RORC: variants seen among roughly 807,000 people sequenced by gnomAD.
RORC encodes the protein nuclear receptor ROR-gamma.
RORC carries 13 observed loss-of-function variants against 64.5 expected under a neutral mutation model. The ratio of observed to expected loss-of-function variants is 0.20; its 90% CI spans 0.13 to 0.32. RORC has a LOEUF of 0.32. RORC is among the 10% of genes least tolerant of loss of function. RORC has a pLI of 1.00. For synonymous variants in RORC, 277 were observed against 259.3 expected (o/e 1.07, Z -0.65); for missense variants, 468 against 669.5 (o/e 0.70, Z 3.32).
Position 151,815,281 on chromosome 1 carries a change from G to C in RORC, c.443C>G (p.Thr148Ser). Residue 148 changes from threonine to serine, a missense_variant, in exon 5 of 11, where the codon ACC becomes AGC. By Grantham distance (58) the Thr-to-Ser change is moderately conservative. This residue lies in a region of RORC where 241 missense variants were observed against 295.5 expected (regional missense o/e 0.82). Coordinates refer to ENST00000318247, the MANE Select transcript of RORC (RefSeq NM_005060.4). ...PAGAQGADTL[T>S]YTLGLPDGQL... ...CCCGTCTGGGAGCCCCAAGGTGTAG[G>C]TGAGGGTATCTGCTCCTTGGGCCCC... 1 of 1,610,854 alleles carries C rather than the reference G, an allele frequency of 6.2e-7. No individual in the cohort carries two copies. The highest frequency in any genetic ancestry group is 1.3e-5 in the African/African-American group (1 of 74,944).
chr1:151,823,914 A>T (rs1185060045), intron 2 of RORC, among the ~76,000 whole-genome samples: 1 of 152,182 alleles, frequency 6.6e-6, no homozygotes, highest in Non-Finnish European at 1.5e-5. Context: ...TATAGGCATG[A>T]GCCACCACGC....
In RORC at chr1:151,830,659, C is replaced by CACACACACACATAT. The variant is rs59443678; in HGVS notation, c.40+1065_40+1066insATATGTGTGTGTGT. ...ACACACACACACACACACACACACA[C>CACACACACACATAT]ACAGTGCCCTTCTGCCCGGGAGATG... On this transcript the variant is annotated intron_variant, in intron 1 of 10. Coordinates refer to ENST00000318247, the MANE Select transcript of RORC (RefSeq NM_005060.4). The surrounding 1 kb of genome is among the most constrained non-coding windows in gnomAD (Gnocchi z 4.0). Among the ~76,000 whole-genome samples, 1 of 139,054 alleles carries CACACACACACATAT rather than the reference C, an allele frequency of 7.2e-6. No individual in the cohort carries two copies. The highest frequency in any genetic ancestry group is 1.6e-5 in the Non-Finnish European group (1 of 64,284). 91.2% of individuals were successfully genotyped at this position (139,054 alleles called of 152,430 possible). A position where few individuals can be genotyped will look rare whatever the true frequency, so the allele number is the denominator to read the frequency against.
intron 2 of RORC, among the ~76,000 whole-genome samples, chr1:151,826,284 C>T (rs566392650): frequency 5.9e-5 from 9 of 152,298 alleles, no homozygotes; most frequent in Non-Finnish European, 1.2e-4. Flanking sequence ...GACAGCCACA[C>T]GCGGTAAAAG....
At chr1:151,809,614 T>C (rs12045886) in intron 10 of RORC, among the ~76,000 whole-genome samples, 43,574 of 151,918 alleles carry the variant, frequency 0.29, 6,470 homozygotes, top group East Asian at 0.47. Flanking sequence ...GTGGTAATAG[T>C]AGGGAAGGTG....
chr1:151,831,169 C>T (rs763637860), intron 1 of RORC: 13 of 1,231,106 alleles, frequency 1.1e-5, no homozygotes, highest in African/African-American at 9.3e-5. Flanking sequence ...GGGTGAGTGG[C>T]GAGGAAAGGA....
At chr1:151,823,641 T>C (rs141375464) in intron 2 of RORC, among the ~76,000 whole-genome samples, 9 of 152,224 alleles carry the variant, frequency 5.9e-5, no homozygotes, top group African/African-American at 2.2e-4. Context: ...CACCTTCATG[T>C]TTGTTTGTTT....
chr1:151,815,522 C>T, intron 4 of RORC, 97 bp from the exon 5 acceptor site: 1 of 1,433,760 alleles, frequency 7.0e-7, no homozygotes, highest in Non-Finnish European at 9.2e-7. Flanking sequence ...TAACTTGCTG[C>T]TCTCTGAATG....
intron 2 of RORC, among the ~76,000 whole-genome samples, chr1:151,824,336 A>G (rs1652109552): frequency 6.6e-6 from 1 of 152,090 alleles, no homozygotes; most frequent in South Asian, 2.1e-4. Context: ...GAGCTGGCCA[A>G]GTGTCTCCCT....
Position 151,807,486 on chromosome 1 carries a change from C to T in RORC, c.1543G>A (p.Gly515Arg). 6.2e-7 allele frequency: 1 copy of T among 1,614,156 alleles called. No homozygotes were observed. Among genetic ancestry groups the T allele is most frequent in the Non-Finnish European group, 8.5e-7 (1 of 1,180,002 alleles). Reference sequence around the variant, plus strand: ...CCTCTTCCAGGTCACTTGGACAGCCCCACAGGTGACTCGGTTTCAGTGCTG... The same window carrying T: ...CCTCTTCCAGGTCACTTGGACAGCCTCACAGGTGACTCGGTTTCAGTGCTG... Reference protein sequence around the residue: ...LFSTETESPVGLSK With the variant: ...LFSTETESPVRLSK Residue 515 changes from glycine (G) to arginine (R), a missense_variant, in exon 11 of 11, where the codon GGG becomes AGG. Physicochemically the swap from Gly to Arg is moderately radical, Grantham distance 125. This residue lies in a region of RORC where 93 missense variants were observed against 116.6 expected (regional missense o/e 0.80). Transcript: ENST00000318247. This position sits in a 1 kb window ranked among gnomAD's most constrained non-coding sequence, Gnocchi z 5.0.
rs1194824301 is a variant in RORC at position 151,815,441 on chromosome 1, G to A, written c.299-16C>T. On this transcript the variant is annotated splice_polypyrimidine_tract_variant and intron_variant, in intron 4 of 10. Transcript: ENST00000318247. ...AACTTGACAGCTGAAAGAGGTCCAGGGACCAGGGGTTTATGAGGCAGGAGA... is the reference window on the plus strand; with the variant it reads ...AACTTGACAGCTGAAAGAGGTCCAGAGACCAGGGGTTTATGAGGCAGGAGA... 3 of 1,518,650 alleles carry A rather than the reference G, an allele frequency of 2.0e-6. No homozygotes were observed. The East Asian group carries it at 6.8e-5, about 35-fold the overall frequency. The allele number at this position is 1,518,650 out of a possible 1,614,324, so 94.1% of individuals were successfully genotyped here.
At position 151,828,978 on chromosome 1, in the gene RORC, CAA is replaced by C. The variant is rs371746426; in HGVS notation, c.70+449_70+450del. 5.5e-3 allele frequency among the ~76,000 whole-genome samples: 714 copies of C among 130,676 alleles called. 2 individuals are homozygous for C. The highest frequency in any genetic ancestry group is 6.8e-3 in the Non-Finnish European group (426 of 62,784). 85.7% of individuals were successfully genotyped at this position (130,676 alleles called of 152,430 possible). On this transcript the variant is annotated intron_variant, in intron 2 of 10. Coordinates refer to ENST00000318247, the MANE Select transcript of RORC (RefSeq NM_005060.4). ...CAGGCGACAGTGTGAGACTCTGTCT[CAA>C]AAAAAAAAAAAAAAAGCCTGGTGCA... is the stretch of plus-strand genomic sequence containing the variant.
At chr1:151,827,425 T>A (rs1368760849) in intron 2 of RORC, among the ~76,000 whole-genome samples, 1 of 151,936 alleles carries the variant, frequency 6.6e-6, no homozygotes, top group Non-Finnish European at 1.5e-5. Flanking sequence ...CCAGAGACCT[T>A]CTCAGCCTCT....
intron 2 of RORC, among the ~76,000 whole-genome samples, chr1:151,824,202 G>A (rs1419622355): frequency 1.3e-5 from 2 of 152,174 alleles, no homozygotes; most frequent in African/African-American, 4.8e-5. Flanking sequence ...GGGGCTATGA[G>A]ATACCTGTAA....
chr1:151,818,576 C>T (rs1393176757), intron 2 of RORC, among the ~76,000 whole-genome samples: 1 of 152,178 alleles, frequency 6.6e-6, no homozygotes, highest in Non-Finnish European at 1.5e-5. Flanking sequence ...GCTTGGGATC[C>T]CTGGTTACTG....
At chr1:151,812,893 T>A in intron 9 of RORC, 54 bp downstream of exon 9, 1 of 1,166,422 alleles carries the variant, frequency 8.6e-7, no homozygotes, top group East Asian at 2.3e-5. Context: ...TTCTTCAATA[T>A]CTGCCATGCC....
chr1:151,823,633 C>T (rs148277976), intron 2 of RORC, among the ~76,000 whole-genome samples: 1 of 152,086 alleles, frequency 6.6e-6, no homozygotes, highest in Non-Finnish European at 1.5e-5. Flanking sequence ...GGGCTTCACA[C>T]CTTCATGTTT....
chr1:151,824,404 C>A (rs1652111331), intron 2 of RORC, among the ~76,000 whole-genome samples: 1 of 152,206 alleles, frequency 6.6e-6, no homozygotes, highest in Non-Finnish European at 1.5e-5. Flanking sequence ...CTAGTCATTT[C>A]ATCCCAGGGT....
intron 6 of RORC, 146 bp downstream of exon 6, chr1:151,814,428 A>C (rs957724471): frequency 1.9e-5 from 14 of 754,766 alleles, no homozygotes; most frequent in Non-Finnish European, 3.0e-5. Context: ...GCAACTGTAC[A>C]TAAAAGGTGT....
intron 2 of RORC, among the ~76,000 whole-genome samples, chr1:151,818,016 T>A (rs1052045938): frequency 5.3e-5 from 8 of 152,230 alleles, no homozygotes; most frequent in East Asian, 1.9e-4. Flanking sequence ...GGCATCTGTA[T>A]CCATTTGTGT....
Sources: gnomAD v4.1 joint callset for allele counts (sites outside exome capture counted in the v4.1 genomes callset) on GRCh38, gnomAD v4.1.1 for gene constraint, gnomAD v4.1.1 regional missense constraint, Gnocchi (gnomAD v3.1) non-coding constraint, MANE v1.5 for transcripts, NCBI Gene and HGNC (gene_info 2026-07-23, HGNC 2026-07-21) for gene names.